Variants in PDSS2 observed in about 807,000 individuals in gnomAD.
PDSS2 encodes the protein decaprenyl diphosphate synthase subunit 2.
In PDSS2, 31 loss-of-function variants were observed where a neutral mutation model predicts 44.5. The ratio of observed to expected loss-of-function variants is 0.70; its 90% CI spans 0.52 to 0.94. PDSS2 has a LOEUF of 0.94. Ranked by LOEUF, PDSS2 falls within the 40% of genes least tolerant of loss-of-function variation. The pLI, the probability that PDSS2 is intolerant of heterozygous loss-of-function variation, is 0.00. For synonymous variants in PDSS2, 157 were observed against 180.3 expected (o/e 0.87, Z 1.03); for missense variants, 452 against 482.2 (o/e 0.94, Z 0.59).
chr6:107,356,306 T>C lies in PDSS2; in HGVS notation c.297-21974A>G, dbSNP rs545995149. Among the ~76,000 whole-genome samples the C allele has an allele frequency of 2.6e-5, 4 of 152,336 alleles. No individual in the cohort carries two copies. The South Asian group carries it at 8.3e-4, about 32-fold the overall frequency. On this transcript the variant is annotated intron_variant, in intron 1 of 7. Coordinates refer to ENST00000369037, the MANE Select transcript of PDSS2 (RefSeq NM_020381.4). ...ATGCTTTCTGGGTTTCCAGTGTACTTAGACATTCTGAAGAACGGACTGAAA... is the reference window on the plus strand; with the variant it reads ...ATGCTTTCTGGGTTTCCAGTGTACTCAGACATTCTGAAGAACGGACTGAAA...
intron 6 of PDSS2, among the ~76,000 whole-genome samples, chr6:107,206,586 A>G (rs1470228647): frequency 1.3e-5 from 2 of 150,490 alleles, no homozygotes; most frequent in African/African-American, 2.4e-5. Flanking sequence ...GGAGTGTCCA[A>G]TCTTTTTGCT....
chr6:107,265,153 G>A (rs1775373612), intron 3 of PDSS2, among the ~76,000 whole-genome samples: 1 of 152,120 alleles, frequency 6.6e-6, no homozygotes, highest in Admixed American at 6.6e-5. Context: ...AAATCTAAGT[G>A]TTACCTAAGG....
chr6:107,442,806 C>A (rs887124288), intron 1 of PDSS2, among the ~76,000 whole-genome samples: 1 of 152,224 alleles, frequency 6.6e-6, no homozygotes, highest in Admixed American at 6.5e-5. Flanking sequence ...ACAAATGTAG[C>A]TTGAATCCAG....
rs777686277 is a variant in PDSS2, at chr6:107,207,608, C to CTTTTT, written c.1008+2826_1008+2830dup. 1.0e-4 allele frequency among the ~76,000 whole-genome samples: 11 copies of CTTTTT among 110,390 alleles called. 1 individual carries two copies. The highest frequency in any genetic ancestry group is 2.9e-4 in the East Asian group (1 of 3,476). 72.4% of individuals were successfully genotyped at this position (110,390 alleles called of 152,430 possible). On this transcript the variant is annotated intron_variant, in intron 6 of 7. Coordinates refer to ENST00000369037, the MANE Select transcript of PDSS2 (RefSeq NM_020381.4). Reference sequence around the variant, plus strand: ...GATTAAAATAAACTCAGTAAAGTGTCTTTTTTTTTTTTTTTTTTTGTGAGA... The same window carrying CTTTTT: ...GATTAAAATAAACTCAGTAAAGTGTCTTTTTTTTTTTTTTTTTTTTTTTTGTGAGA...
At chr6:107,329,517 A>G (rs1482800481) in intron 2 of PDSS2, among the ~76,000 whole-genome samples, 1 of 152,080 alleles carries the variant, frequency 6.6e-6, no homozygotes, top group East Asian at 1.9e-4. Flanking sequence ...CTGTATATGC[A>G]TATCTATGTC....
intron 1 of PDSS2, among the ~76,000 whole-genome samples, chr6:107,370,967 G>A (rs534161094): frequency 7.2e-5 from 11 of 152,084 alleles, no homozygotes; most frequent in Non-Finnish European, 1.5e-4. Flanking sequence ...GGCAGATCAC[G>A]AGGTCAGAAG....
intron 1 of PDSS2, among the ~76,000 whole-genome samples, chr6:107,397,323 AC>A (rs1366452871): frequency 6.6e-6 from 1 of 152,190 alleles, no homozygotes. Context: ...TGGAGACTTA[AC>A]ATGAATCAAG....
intron 1 of PDSS2, among the ~76,000 whole-genome samples, chr6:107,429,872 A>G (rs899807590): frequency 9.0e-6 from 1 of 111,188 alleles, no homozygotes; most frequent in Non-Finnish European, 1.9e-5. Flanking sequence ...CAACAAGAGC[A>G]AAACTTAGTC....
chr6:107,306,997 C>T (rs1776880538), intron 2 of PDSS2, among the ~76,000 whole-genome samples: 1 of 152,230 alleles, frequency 6.6e-6, no homozygotes, highest in Admixed American at 6.5e-5. Flanking sequence ...ACCTTCTTCT[C>T]TCCCACACTT....
chr6:107,415,153 T>A (rs955726884), intron 1 of PDSS2, among the ~76,000 whole-genome samples: 6 of 144,152 alleles, frequency 4.2e-5, no homozygotes, highest in African/African-American at 1.2e-4. Flanking sequence ...TAAAAAAAAT[T>A]TTTTTTTTTA....
intron 1 of PDSS2, among the ~76,000 whole-genome samples, chr6:107,412,387 C>T (rs192812817): frequency 2.6e-5 from 4 of 151,880 alleles, no homozygotes; most frequent in African/African-American, 7.2e-5. Flanking sequence ...TACAGGCACC[C>T]GCCACCATGC....
intron 7 of PDSS2, among the ~76,000 whole-genome samples, chr6:107,183,532 T>C (rs185778825): frequency 5.0e-4 from 76 of 152,168 alleles, no homozygotes; most frequent in African/African-American, 1.7e-3. Flanking sequence ...ACCCCATCTC[T>C]ACTAAAAATA....
At chr6:107,370,993 A>G (rs1779112118) in intron 1 of PDSS2, among the ~76,000 whole-genome samples, 1 of 151,880 alleles carries the variant, frequency 6.6e-6, no homozygotes, top group South Asian at 2.1e-4. Context: ...GACCAGCCTG[A>G]CCGACATGGT....
At chr6:107,180,196 A>G (rs1001066904) in intron 7 of PDSS2, among the ~76,000 whole-genome samples, 1 of 152,148 alleles carries the variant, frequency 6.6e-6, no homozygotes, top group Non-Finnish European at 1.5e-5. Flanking sequence ...TCTTCGACAT[A>G]AAGACATACA....
At chr6:107,207,821 G>T (rs959331321) in intron 6 of PDSS2, among the ~76,000 whole-genome samples, 1 of 151,444 alleles carries the variant, frequency 6.6e-6, no homozygotes, top group African/African-American at 2.4e-5. Flanking sequence ...TGTTGGCCAG[G>T]CTGGTCTCAA....
At chr6:107,401,351 A>T (rs1164822315) in intron 1 of PDSS2, among the ~76,000 whole-genome samples, 1 of 152,166 alleles carries the variant, frequency 6.6e-6, no homozygotes, top group Non-Finnish European at 1.5e-5. Flanking sequence ...ATACCAGTGA[A>T]TGCACCCAAA....
chr6:107,362,267 G>T (rs1778803362), intron 1 of PDSS2, among the ~76,000 whole-genome samples: 1 of 152,110 alleles, frequency 6.6e-6, no homozygotes, highest in Admixed American at 6.5e-5. Context: ...GGTCCCAAAA[G>T]GAAATAAAAC....
intron 3 of PDSS2, among the ~76,000 whole-genome samples, chr6:107,249,471 T>C (rs182326336): frequency 0.014 from 2,069 of 152,298 alleles, 49 homozygotes; most frequent in Admixed American, 0.06. Context: ...TTTTAGATTA[T>C]ACAACAGTCA....
intron 1 of PDSS2, among the ~76,000 whole-genome samples, chr6:107,376,183 A>G (rs2114424718): frequency 6.6e-6 from 1 of 152,260 alleles, no homozygotes; most frequent in South Asian, 2.1e-4. Flanking sequence ...TATAGTTTGA[A>G]GTCAGGTAGT....
Sources: allele counts gnomAD v4.1 joint callset (sites outside exome capture counted in the v4.1 genomes callset), GRCh38; gene constraint gnomAD v4.1.1; transcripts MANE v1.5; gene names NCBI Gene and HGNC (gene_info 2026-07-23, HGNC 2026-07-21).